CSMD1: variants seen among roughly 807,000 people sequenced by gnomAD.
CSMD1 encodes the protein CUB and Sushi multiple domains 1, also known as CUB and sushi domain-containing protein 1.
CSMD1 carries 213 observed loss-of-function variants against 417.5 expected under a neutral mutation model. That is an observed-to-expected ratio of 0.51 (90% CI 0.46 to 0.57). The LOEUF (loss-of-function observed/expected upper bound fraction) is 0.57. CSMD1 is among the 20% of genes least tolerant of loss of function. CSMD1 has a pLI of 0.00. For missense variants in CSMD1, 6,923 were observed against 4,529.7 expected (o/e 1.53, Z -15.17); for synonymous variants, 2,862 against 1,736.8 (o/e 1.65, Z -16.11).
intron 17 of CSMD1, among the ~76,000 whole-genome samples, chr8:3,394,479 G>C (rs1811564241): frequency 6.6e-6 from 1 of 152,008 alleles, no homozygotes. Flanking sequence ...TCAAATGGAA[G>C]TAGAAAAAGC....
At position 3,493,542 on chromosome 8, in the gene CSMD1, G is replaced by T; in HGVS notation, c.1448+81C>A. The T allele has an allele frequency of 3.4e-6, 4 of 1,193,338 alleles. 1 individual carries two copies. Among genetic ancestry groups the T allele is most frequent in the East Asian group, 5.1e-5 (2 of 38,858 alleles). 73.9% of individuals were successfully genotyped at this position (1,193,338 alleles called of 1,614,324 possible). On this transcript the variant is annotated intron_variant, in intron 11 of 69. Coordinates refer to ENST00000635120, the MANE Select transcript of CSMD1 (RefSeq NM_033225.6). The stretch of plus-strand genomic sequence containing the variant: ...GCAAACACCTGAGGCCGAATTACAA[G>T]CCTGTAGCAGAATCTCATCTCCACC...
chr8:4,705,955 A>C (rs1807911790), intron 1 of CSMD1, among the ~76,000 whole-genome samples: 1 of 151,998 alleles, frequency 6.6e-6, no homozygotes, highest in Non-Finnish European at 1.5e-5. Context: ...CTCTTCAACA[A>C]ACCTCTGGAT....
At chr8:4,337,139 GC>G (rs1800219626) in intron 3 of CSMD1, among the ~76,000 whole-genome samples, 1 of 152,040 alleles carries the variant, frequency 6.6e-6, no homozygotes, top group South Asian at 2.1e-4. Context: ...GGGATCTTCT[GC>G]CCCCACCTTC....
intron 2 of CSMD1, among the ~76,000 whole-genome samples, chr8:4,451,969 ATTTGATATACATATAG>A (rs1225325314): frequency 7.4e-5 from 11 of 148,920 alleles, no homozygotes; most frequent in Admixed American, 6.1e-4. Context: ...AATATATATA[ATTTGATATACATATAG>A]TTTGATATAT....
At chr8:3,583,831 A>G (rs556547621) in intron 9 of CSMD1, among the ~76,000 whole-genome samples, 1 of 152,144 alleles carries the variant, frequency 6.6e-6, no homozygotes, top group East Asian at 1.9e-4. Flanking sequence ...ATTAGGTCCC[A>G]GAAAGGATAC....
chr8:3,635,777 C>T (rs1267305517), intron 7 of CSMD1, among the ~76,000 whole-genome samples: 4 of 140,796 alleles, frequency 2.8e-5, no homozygotes, highest in Admixed American at 2.8e-4. Context: ...ACCTCTGCGC[C>T]CAGCTGCTTC....
chr8:3,512,329 C>G (rs757361082), intron 10 of CSMD1, among the ~76,000 whole-genome samples: 2 of 152,210 alleles, frequency 1.3e-5, no homozygotes, highest in African/African-American at 2.4e-5. Context: ...TCTATACCCA[C>G]AGCCTCAGCC....
Position 4,855,623 on chromosome 8 carries a change from G to A in CSMD1, c.85+138709C>T, listed in dbSNP as rs183785692. ...CGAGAACTACGTGAAGAATGCAGAA[G>A]CCTCTGGAGCCAATGCAATCAACTG... On this transcript the variant is annotated intron_variant, in intron 1 of 69. Coordinates refer to ENST00000635120, the MANE Select transcript of CSMD1 (RefSeq NM_033225.6). 3.4e-4 allele frequency among the ~76,000 whole-genome samples: 52 copies of A among 152,336 alleles called. 1 individual carries two copies. The East Asian group carries it at 7.9e-3, about 23-fold the overall frequency.
intron 3 of CSMD1, among the ~76,000 whole-genome samples, chr8:4,361,618 G>A (rs117555929): frequency 6.1e-4 from 93 of 152,246 alleles, no homozygotes; most frequent in African/African-American, 2.1e-3. Flanking sequence ...CCAACTCTCT[G>A]CTTTGCTGTC....
At chr8:4,309,299 C>T (rs10111080) in intron 3 of CSMD1, among the ~76,000 whole-genome samples, 29,592 of 151,964 alleles carry the variant, frequency 0.19, 3,277 homozygotes, top group Non-Finnish European at 0.25. Flanking sequence ...TATAATTGCA[C>T]TGTCTATTTA....
intron 3 of CSMD1, among the ~76,000 whole-genome samples, chr8:4,403,845 T>C (rs886076908): frequency 2.0e-5 from 3 of 152,156 alleles, no homozygotes; most frequent in South Asian, 2.1e-4. Context: ...GGGTGTCTGA[T>C]TGGGAATTTA....
chr8:3,612,710 G>T (rs1563199286), intron 8 of CSMD1, among the ~76,000 whole-genome samples: 1 of 152,040 alleles, frequency 6.6e-6, no homozygotes, highest in African/African-American at 2.4e-5. Context: ...AGGGAAAATA[G>T]AATGTAATTC....
At chr8:4,038,898 A>G (rs761973096) in intron 3 of CSMD1, among the ~76,000 whole-genome samples, 10 of 152,178 alleles carry the variant, frequency 6.6e-5, no homozygotes, top group Non-Finnish European at 1.2e-4. Context: ...TATGCACACG[A>G]AAATTCCCTC....
chr8:4,892,742 GCATCT>G (rs1804206243), intron 1 of CSMD1, among the ~76,000 whole-genome samples: 1 of 151,832 alleles, frequency 6.6e-6, no homozygotes, highest in Non-Finnish European at 1.5e-5. Context: ...TTTCTGATTT[GCATCT>G]CATTTTTATT....
intron 3 of CSMD1, among the ~76,000 whole-genome samples, chr8:4,164,429 G>T (rs958634080): frequency 1.3e-5 from 2 of 152,106 alleles, no homozygotes; most frequent in Non-Finnish European, 2.9e-5. Context: ...GAGGGTTGCA[G>T]GTGACCTCTG....
chr8:4,834,956 CAAAAAAAAAAA>C (rs1194297821), intron 1 of CSMD1, among the ~76,000 whole-genome samples: 1 of 19,830 alleles, frequency 5.0e-5, no homozygotes, highest in Non-Finnish European at 8.4e-5. Context: ...GACTCCATCT[CAAAAAAAAAAA>C]AAAAAAAAAA....
At chr8:4,016,097 A>T (rs913803141) in intron 4 of CSMD1, among the ~76,000 whole-genome samples, 1 of 152,144 alleles carries the variant, frequency 6.6e-6, no homozygotes, top group Non-Finnish European at 1.5e-5. Flanking sequence ...ATTTACCAGG[A>T]AATTTTGGGA....
chr8:3,956,417 T>C (rs922848716), intron 5 of CSMD1, among the ~76,000 whole-genome samples: 2 of 152,144 alleles, frequency 1.3e-5, no homozygotes, highest in Non-Finnish European at 2.9e-5. Flanking sequence ...ACTGGAGGCA[T>C]GTATGTTTAG....
At chr8:3,553,822 A>G (rs1799023617) in intron 10 of CSMD1, among the ~76,000 whole-genome samples, 3 of 152,224 alleles carry the variant, frequency 2.0e-5, no homozygotes, top group Admixed American at 1.3e-4. Context: ...TATTTATAAT[A>G]TTTGTATCAC....
Sources: allele counts gnomAD v4.1 joint callset (sites outside exome capture counted in the v4.1 genomes callset), GRCh38; gene constraint gnomAD v4.1.1; transcripts MANE v1.5; gene names NCBI Gene and HGNC (gene_info 2026-07-23, HGNC 2026-07-21).